Variants in NTAQ1 observed in about 807,000 individuals in gnomAD.
NTAQ1 encodes protein N-terminal glutamine amidohydrolase.
NTAQ1 carries 21 observed loss-of-function variants against 28.2 expected under a neutral mutation model. That is an observed-to-expected ratio of 0.74 (90% CI 0.53 to 1.07). The LOEUF (loss-of-function observed/expected upper bound fraction) is 1.07. Ranked by LOEUF, NTAQ1 falls within the 50% of genes least tolerant of loss-of-function variation. NTAQ1 has a pLI of 0.00. For missense variants in NTAQ1, 264 were observed against 256.6 expected (o/e 1.03, Z -0.20); for synonymous variants, 105 against 90.0 (o/e 1.17, Z -0.94).
At chr8:123,419,777 C>T (rs1395399081) in intron 1 of NTAQ1, among the ~76,000 whole-genome samples, 4 of 113,568 alleles carry the variant, frequency 3.5e-5, no homozygotes, top group Non-Finnish European at 5.5e-5. Flanking sequence ...CCTTTCTTCC[C>T]TCCCTCCCTC....
downstream of NTAQ1, among the ~76,000 whole-genome samples, chr8:123,473,726 G>A (rs1292130244): frequency 6.6e-6 from 1 of 152,182 alleles, no homozygotes; most frequent in Non-Finnish European, 1.5e-5. Context: ...CAAGCGGTAA[G>A]TAATTTACTT....
At chr8:123,418,928 C>T (rs1158811318) in intron 1 of NTAQ1, among the ~76,000 whole-genome samples, 9 of 152,142 alleles carry the variant, frequency 5.9e-5, no homozygotes, top group African/African-American at 2.2e-4. Context: ...CACCCTAGCC[C>T]TAGTTATGAC....
intron 5 of NTAQ1, among the ~76,000 whole-genome samples, chr8:123,437,774 C>T (rs1814817174): frequency 6.6e-6 from 1 of 151,838 alleles, no homozygotes; most frequent in Non-Finnish European, 1.5e-5. Flanking sequence ...GGAAATACTA[C>T]TTCTGTGTGT....
downstream of NTAQ1, among the ~76,000 whole-genome samples, chr8:123,449,938 T>A (rs1372111366): frequency 2.1e-4 from 7 of 33,220 alleles, no homozygotes; most frequent in Admixed American, 1.6e-3. Flanking sequence ...TATGTGTGTG[T>A]GTGTGTGTGT....
At chr8:123,473,040 G>A (rs1325204688), downstream of NTAQ1, among the ~76,000 whole-genome samples, 1 of 152,192 alleles carries the variant, frequency 6.6e-6, no homozygotes, top group African/African-American at 2.4e-5. Flanking sequence ...ATGGGAAGGT[G>A]TTCAGTGGAA....
downstream of NTAQ1, among the ~76,000 whole-genome samples, chr8:123,443,235 G>A (rs1265897279): frequency 6.6e-6 from 1 of 151,200 alleles, no homozygotes; most frequent in East Asian, 1.9e-4. Context: ...AACTAGGCTG[G>A]TATCAAACTC....
Position 123,442,219 on chromosome 8 carries a change from A to T in NTAQ1, c.*804A>T, listed in dbSNP as rs750225250. The T allele has an allele frequency of 6.6e-6, 1 of 152,170 alleles. No individual in the cohort carries two copies. Among genetic ancestry groups the T allele is most frequent in the Non-Finnish European group, 1.5e-5 (1 of 68,026 alleles). 9.4% of individuals were successfully genotyped at this position (152,170 alleles called of 1,614,324 possible). A position where few individuals can be genotyped will look rare whatever the true frequency, so the allele number is the denominator to read the frequency against. On this transcript the variant is annotated 3_prime_UTR_variant, in exon 6 of 6. Coordinates refer to ENST00000287387, the MANE Select transcript of NTAQ1 (RefSeq NM_018024.3). ...ACATTGGCATATAGTACCAGCTCTCATGTTTTCATGATTCTACTTTAAAAA... is the reference window on the plus strand; with the variant it reads ...ACATTGGCATATAGTACCAGCTCTCTTGTTTTCATGATTCTACTTTAAAAA...
chr8:123,468,341 A>G (rs1027733860), exon 7 of NTAQ1, among the ~76,000 whole-genome samples: 1 of 151,836 alleles, frequency 6.6e-6, no homozygotes, highest in African/African-American at 2.4e-5. Flanking sequence ...GCAAATGGAA[A>G]CTCTGTACTC....
At chr8:123,449,466 A>G (rs1408220592), downstream of NTAQ1, among the ~76,000 whole-genome samples, 2 of 152,164 alleles carry the variant, frequency 1.3e-5, no homozygotes, top group African/African-American at 4.8e-5. Flanking sequence ...CTATAATCCC[A>G]GCACTTTGGG....
chr8:123,430,674 G>A (rs538826213), intron 3 of NTAQ1, among the ~76,000 whole-genome samples: 98 of 152,268 alleles, frequency 6.4e-4, no homozygotes, highest in African/African-American at 2.2e-3. Context: ...CCAGCTACTC[G>A]GGAGGTTGAG....
downstream of NTAQ1, among the ~76,000 whole-genome samples, chr8:123,449,950 C>CTT (rs1491416306): frequency 2.3e-5 from 1 of 42,878 alleles, no homozygotes; most frequent in Non-Finnish European, 3.8e-5. Context: ...TGTGTGTGTG[C>CTT]ATATATATAT....
downstream of NTAQ1, among the ~76,000 whole-genome samples, chr8:123,470,458 G>C (rs1816030516): frequency 6.6e-6 from 1 of 152,238 alleles, no homozygotes; most frequent in Non-Finnish European, 1.5e-5. Flanking sequence ...GTTACAACCA[G>C]GTGTCTGAAG....
intron 6 of NTAQ1, among the ~76,000 whole-genome samples, chr8:123,457,365 C>G (rs1338216378): frequency 1.3e-5 from 2 of 151,380 alleles, no homozygotes; most frequent in East Asian, 1.9e-4. Context: ...CTGCACCCAG[C>G]CAAAATTAAA....
intron 6 of NTAQ1, among the ~76,000 whole-genome samples, chr8:123,447,285 T>G (rs1219041687): frequency 1.3e-5 from 2 of 152,158 alleles, no homozygotes; most frequent in Non-Finnish European, 2.9e-5. Flanking sequence ...GTGCTTGTCT[T>G]TTGCTTAATG....
At chr8:123,436,955 C>T (rs975876166) in intron 4 of NTAQ1, among the ~76,000 whole-genome samples, 5 of 152,102 alleles carry the variant, frequency 3.3e-5, no homozygotes, top group Admixed American at 2.6e-4. Context: ...AAATCATGCC[C>T]ATTGCCCTTG....
intron 6 of NTAQ1, among the ~76,000 whole-genome samples, chr8:123,455,615 G>A (rs996758722): frequency 1.3e-5 from 2 of 151,768 alleles, no homozygotes; most frequent in African/African-American, 4.8e-5. Context: ...AGTAGAAACA[G>A]CGTTTCACCA....
intron 6 of NTAQ1, among the ~76,000 whole-genome samples, chr8:123,453,809 T>C (rs769646878): frequency 5.9e-5 from 9 of 152,186 alleles, no homozygotes; most frequent in Non-Finnish European, 8.8e-5. Flanking sequence ...ATTCTCCTCA[T>C]GTTACAAATT....
In NTAQ1 at chr8:123,436,397, C is replaced by T. The variant is rs73705918; in HGVS notation, c.235-56C>T. 1,034 of 1,562,808 alleles carry T rather than the reference C, an allele frequency of 6.6e-4. 12 individuals are homozygous for T. The African/African-American group carries it at 0.012, about 18-fold the overall frequency. On this transcript the variant is annotated intron_variant, in intron 3 of 5. Coordinates refer to ENST00000287387, the MANE Select transcript of NTAQ1 (RefSeq NM_018024.3). ...TAGTGATAAGGTATGTGTCTGAATA[C>T]TGGGATTTCATCATTATGAAGTAAC...
At chr8:123,445,155 A>G (rs1014426928), downstream of NTAQ1, among the ~76,000 whole-genome samples, 2 of 151,848 alleles carry the variant, frequency 1.3e-5, no homozygotes, top group Non-Finnish European at 2.9e-5. Flanking sequence ...TTGTCCTCCA[A>G]TTTTCTGATG....
Sources: gnomAD v4.1 joint callset for allele counts (sites outside exome capture counted in the v4.1 genomes callset) on GRCh38, gnomAD v4.1.1 for gene constraint, MANE v1.5 for transcripts, NCBI Gene and HGNC (gene_info 2026-07-23, HGNC 2026-07-21) for gene names.